The following ALK variants were observed in gnomAD, a reference collection of about 807,000 sequenced individuals.
The protein encoded by ALK is ALK tyrosine kinase receptor.
In ALK, 74 loss-of-function variants were observed where a neutral mutation model predicts 163.1. The observed-to-expected ratio is 0.45, with a 90% CI of 0.38 to 0.55. The LOEUF (loss-of-function observed/expected upper bound fraction) is 0.55. Ranked by LOEUF, ALK falls within the 20% of genes least tolerant of loss-of-function variation. ALK has a pLI of 0.00. For missense variants in ALK, 2,063 were observed against 2,105.3 expected (o/e 0.98, Z 0.39); for synonymous variants, 960 against 843.2 (o/e 1.14, Z -2.40).
chr2:29,739,866 C>T (rs2879496), intron 1 of ALK, among the ~76,000 whole-genome samples: 1,754 of 152,144 alleles, frequency 0.012, 55 homozygotes, highest in African/African-American at 0.04. Context: ...GACTCTATAG[C>T]CAGTGATACA....
intron 1 of ALK, among the ~76,000 whole-genome samples, chr2:29,743,963 G>C (rs923193278): frequency 1.3e-5 from 2 of 151,624 alleles, no homozygotes; most frequent in African/African-American, 2.4e-5. Context: ...AAAATGCTTA[G>C]ACCATGTTTT....
chr2:29,773,280 G>A (rs1280137567), intron 1 of ALK, among the ~76,000 whole-genome samples: 1 of 151,784 alleles, frequency 6.6e-6, no homozygotes. Flanking sequence ...AGAACTAGTT[G>A]TTCAACACTT....
intron 3 of ALK, among the ~76,000 whole-genome samples, chr2:29,687,346 C>T (rs928645956): frequency 3.9e-5 from 6 of 151,940 alleles, no homozygotes; most frequent in Non-Finnish European, 8.8e-5. Context: ...TGCCAATGTG[C>T]TGTCCCTAGG....
chr2:29,871,274 C>T (rs79001223), intron 1 of ALK, among the ~76,000 whole-genome samples: 3 of 152,236 alleles, frequency 2.0e-5, no homozygotes, highest in East Asian at 3.9e-4. Flanking sequence ...CAGGCTCTCC[C>T]GGGTTATCTC....
chr2:29,571,477 G>C (rs1421973400), intron 3 of ALK, among the ~76,000 whole-genome samples: 1 of 152,096 alleles, frequency 6.6e-6, no homozygotes, highest in African/African-American at 2.4e-5. Flanking sequence ...CTATTGTGAA[G>C]AACATCCTTG....
At chr2:29,322,088 C>T (rs1166424114) in intron 6 of ALK, among the ~76,000 whole-genome samples, 1 of 152,220 alleles carries the variant, frequency 6.6e-6, no homozygotes, top group Admixed American at 6.5e-5. Flanking sequence ...CCAACACCTC[C>T]CAGCCTAGCT....
In ALK at chr2:29,920,152, G is replaced by C. The variant is rs758868024; in HGVS notation, c.508C>G (p.Leu170Val). The change falls in exon 1 of 29, where the codon CTC (leucine) becomes GTC (valine). Residue 170 changes from leucine (L) to valine (V), a missense_variant. Physicochemically the swap from Leu to Val is conservative, Grantham distance 32 (BLOSUM62 1). Transcript: ENST00000389048. ...EAAVGLLQFNLSELFSWWIRQ... is the reference protein window; with the variant it reads ...EAAVGLLQFNVSELFSWWIRQ... ...ATCCACCAACTGAACAGCTCGCTGA[G>C]ATTGAACTGGAGCAGCCCCACAGCC... 1 of 1,613,794 alleles carries C rather than the reference G, an allele frequency of 6.2e-7. No individual in the cohort carries two copies. Among genetic ancestry groups the C allele is most frequent in the Non-Finnish European group, 8.5e-7 (1 of 1,180,046 alleles).
chr2:29,693,563 G>A (rs1678466126), intron 3 of ALK, among the ~76,000 whole-genome samples: 1 of 152,164 alleles, frequency 6.6e-6, no homozygotes, highest in Admixed American at 6.5e-5. Context: ...AAAGTGTATA[G>A]AAAGGAAAGT....
intron 4 of ALK, among the ~76,000 whole-genome samples, chr2:29,503,481 C>T (rs910126699): frequency 2.0e-5 from 3 of 152,170 alleles, no homozygotes; most frequent in African/African-American, 4.8e-5. Flanking sequence ...ACAGAGGATA[C>T]AGATATGAAA....
chr2:29,261,987 G>A (rs754035454), intron 11 of ALK, among the ~76,000 whole-genome samples: 1 of 152,348 alleles, frequency 6.6e-6, no homozygotes, highest in Middle Eastern at 3.4e-3. Flanking sequence ...TCTAACTTCA[G>A]ATAAAAGGAT....
chr2:29,705,287 A>ATATATC (rs1553349889), intron 2 of ALK, among the ~76,000 whole-genome samples: 3 of 117,636 alleles, frequency 2.6e-5, no homozygotes, highest in Admixed American at 9.2e-5. Context: ...ATATAAATAT[A>ATATATC]TATCTGCTGT....
At chr2:29,672,333 C>T (rs1043013187) in intron 3 of ALK, among the ~76,000 whole-genome samples, 1 of 150,456 alleles carries the variant, frequency 6.6e-6, no homozygotes, top group African/African-American at 2.5e-5. Context: ...CCCTTCCCCC[C>T]ACCCCACAAC....
Position 29,227,173 on chromosome 2 carries a change from G to A in ALK, c.2915-99C>T. ...AGGTGGTCACTGTGGGTGCTCTGGTGGTCCCTGTTCCTAGGTCCCATAGCC... is the reference window on the plus strand; with the variant it reads ...AGGTGGTCACTGTGGGTGCTCTGGTAGTCCCTGTTCCTAGGTCCCATAGCC... On this transcript the variant is annotated intron_variant, in intron 17 of 28. Transcript: ENST00000389048. The surrounding 1 kb of genome is among the most constrained non-coding windows in gnomAD (Gnocchi z 4.4). 6.6e-7 allele frequency: 1 copy of A among 1,515,302 alleles called. No individual in the cohort carries two copies. The highest frequency in any genetic ancestry group is 9.1e-7 in the Non-Finnish European group (1 of 1,094,090). The allele number at this position is 1,515,302 out of a possible 1,614,324, so 93.9% of individuals were successfully genotyped here.
intron 8 of ALK, among the ~76,000 whole-genome samples, chr2:29,314,173 T>A (rs1201142358): frequency 6.6e-6 from 1 of 152,034 alleles, no homozygotes; most frequent in Non-Finnish European, 1.5e-5. Flanking sequence ...TACAGAAAAA[T>A]TCCCTGCCTT....
intron 1 of ALK, among the ~76,000 whole-genome samples, chr2:29,802,379 G>C (rs1225253964): frequency 0.012 from 1 of 86 alleles, no homozygotes; most frequent in Non-Finnish European, 0.028. Context: ...GAGGGGAGGG[G>C]AGGGGAGGGG....
At chr2:29,654,994 T>A (rs551286008) in intron 3 of ALK, among the ~76,000 whole-genome samples, 113 of 152,286 alleles carry the variant, frequency 7.4e-4, no homozygotes, top group African/African-American at 2.4e-3. Context: ...AGAAAACAAG[T>A]TCTTTTGTTC....
intron 11 of ALK, among the ~76,000 whole-genome samples, chr2:29,264,598 G>C (rs996296209): frequency 1.3e-5 from 2 of 152,228 alleles, no homozygotes; most frequent in African/African-American, 4.8e-5. Context: ...ACTAGTCACA[G>C]AGAGGGTGGT....
intron 6 of ALK, among the ~76,000 whole-genome samples, chr2:29,324,188 A>T (rs968387054): frequency 6.6e-6 from 1 of 152,194 alleles, no homozygotes; most frequent in African/African-American, 2.4e-5. Context: ...GGCAATTATG[A>T]CACCTGATTC....
chr2:29,663,635 T>C (rs1001223409), intron 3 of ALK, among the ~76,000 whole-genome samples: 2 of 152,156 alleles, frequency 1.3e-5, no homozygotes, highest in African/African-American at 2.4e-5. Flanking sequence ...TATTTGAATA[T>C]CTTCTCATAA....
Sources: allele counts gnomAD v4.1 joint callset (sites outside exome capture counted in the v4.1 genomes callset), GRCh38; gene constraint gnomAD v4.1.1; non-coding constraint Gnocchi (gnomAD v3.1); transcripts MANE v1.5; gene names NCBI Gene and HGNC (gene_info 2026-07-23, HGNC 2026-07-21).